Variants in JMJD1C observed in about 807,000 individuals in gnomAD.
JMJD1C encodes jumonji domain-containing protein 1C.
Under a neutral mutation model 245.3 loss-of-function variants are expected in JMJD1C, and 31 were observed. The observed-to-expected ratio is 0.13, with a 90% CI of 0.09 to 0.17. JMJD1C has a LOEUF of 0.17. Ranked by LOEUF, JMJD1C falls within the 10% of genes least tolerant of loss-of-function variation. The pLI, the probability that JMJD1C is intolerant of heterozygous loss-of-function variation, is 1.00. For synonymous variants in JMJD1C, 1,057 were observed against 1,017.4 expected, an observed-to-expected ratio of 1.04 and a Z score of -0.74; for missense variants, 2,691 against 3,000.2, an observed-to-expected ratio of 0.90 and a Z score of 2.41.
At chr10:63,411,363 A>G (rs1949465157) in intron 1 of JMJD1C, among the ~76,000 whole-genome samples, 1 of 145,420 alleles carries the variant, frequency 6.9e-6, no homozygotes, top group Non-Finnish European at 1.5e-5. Flanking sequence ...AGGTGGCCCA[A>G]TCTTGGCTCA....
intron 1 of JMJD1C, among the ~76,000 whole-genome samples, chr10:63,403,374 A>G (rs1217556286): frequency 2.6e-5 from 4 of 152,258 alleles, no homozygotes; most frequent in African/African-American, 9.6e-5. Flanking sequence ...AAATCACTTA[A>G]GGTCTTCACA....
chr10:63,214,415 TGAA>T lies in JMJD1C; in HGVS notation c.1749_1751del (p.Ser584del). ...TTTCCATGTTCAAGTGATCATTTCC[TGAA>T]GAAGCATTTGTAACACTTGATTGGG... On this transcript the variant is annotated inframe_deletion, in exon 8 of 26. Coordinates refer to ENST00000399262, the MANE Select transcript of JMJD1C (RefSeq NM_032776.3). 1 of 1,613,936 alleles carries T rather than the reference TGAA, an allele frequency of 6.2e-7. No individual in the cohort carries two copies. The highest frequency in any genetic ancestry group is 8.5e-7 in the Non-Finnish European group (1 of 1,179,950).
chr10:63,222,773 G>C lies in JMJD1C; in HGVS notation c.448-2790C>G. On this transcript the variant is annotated intron_variant, in intron 3 of 25. Coordinates refer to ENST00000399262, the MANE Select transcript of JMJD1C (RefSeq NM_032776.3). ...CTCACTGAAAACTGAAACTAATTTGGAAGTTTTGAAGTCAATTCCTAGTGA... is the reference window on the plus strand; with the variant it reads ...CTCACTGAAAACTGAAACTAATTTGCAAGTTTTGAAGTCAATTCCTAGTGA... 6 of 1,479,152 alleles carry C rather than the reference G, an allele frequency of 4.1e-6. No homozygotes were observed. In the South Asian group the frequency reaches 4.5e-5, roughly 11 times the overall value. 91.6% of individuals were successfully genotyped at this position (1,479,152 alleles called of 1,614,324 possible).
intron 21 of JMJD1C, among the ~76,000 whole-genome samples, chr10:63,184,238 A>AT (rs1312029945): frequency 3.6e-5 from 5 of 137,294 alleles, no homozygotes; most frequent in African/African-American, 5.4e-5. Context: ...CTTGAACAGA[A>AT]ATTTTTTTTT....
intron 1 of JMJD1C, among the ~76,000 whole-genome samples, chr10:63,431,120 T>C (rs535465114): frequency 1.1e-4 from 17 of 152,284 alleles, no homozygotes; most frequent in African/African-American, 3.8e-4. Flanking sequence ...AATTCAGGGA[T>C]TATAGACTTT....
At chr10:63,291,165 A>G (rs1858635650) in intron 2 of JMJD1C, among the ~76,000 whole-genome samples, 1 of 151,676 alleles carries the variant, frequency 6.6e-6, no homozygotes. Context: ...AAAATTAGCT[A>G]GGCATGGTGG....
chr10:63,223,160 A>C (rs1339855415), intron 3 of JMJD1C: 20 of 579,028 alleles, frequency 3.5e-5, no homozygotes, highest in Non-Finnish European at 5.5e-5. Context: ...ACAAACAAAA[A>C]CTTCCATACA....
At chr10:63,417,685 T>C (rs139499657) in intron 1 of JMJD1C, among the ~76,000 whole-genome samples, 7 of 152,320 alleles carry the variant, frequency 4.6e-5, no homozygotes, top group East Asian at 3.9e-4. Flanking sequence ...GATTATGCTA[T>C]ATTCTACAGA....
At chr10:63,404,065 A>T (rs1949022295) in intron 1 of JMJD1C, among the ~76,000 whole-genome samples, 1 of 152,122 alleles carries the variant, frequency 6.6e-6, no homozygotes. Context: ...CAGTGAGCTG[A>T]AATTGCACCA....
At chr10:63,266,369 ACATAAAATCCTATAGGATTT>A (rs141534127) in intron 2 of JMJD1C, among the ~76,000 whole-genome samples, 2,317 of 152,220 alleles carry the variant, frequency 0.015, 28 homozygotes, top group Non-Finnish European at 0.022. Context: ...CTTTTCAATT[ACATAAAATCCTATAGGATTT>A]CATAAAATCC....
At chr10:63,443,147 G>T (rs1052967569) in intron 1 of JMJD1C, among the ~76,000 whole-genome samples, 1 of 152,096 alleles carries the variant, frequency 6.6e-6, no homozygotes, top group Admixed American at 6.5e-5. Flanking sequence ...TTTCTTACTA[G>T]ATTATTATTA....
chr10:63,230,805 T>A (rs190140188), intron 3 of JMJD1C, among the ~76,000 whole-genome samples: 49 of 151,692 alleles, frequency 3.2e-4, no homozygotes, highest in Non-Finnish European at 6.0e-4. Flanking sequence ...AAAATAAAAT[T>A]TGACCACCAC....
chr10:63,444,623 C>CTT (rs200830089), intron 1 of JMJD1C, among the ~76,000 whole-genome samples: 15 of 134,480 alleles, frequency 1.1e-4, no homozygotes, highest in East Asian at 1.1e-3. Flanking sequence ...TACCTACTAT[C>CTT]TTTTTTTTTT....
intron 2 of JMJD1C, among the ~76,000 whole-genome samples, chr10:63,329,155 G>A (rs1426851895): frequency 3.3e-5 from 5 of 151,904 alleles, no homozygotes; most frequent in Middle Eastern, 3.2e-3. Context: ...GGTGGCATGC[G>A]CCTATAATCC....
intron 13 of JMJD1C, among the ~76,000 whole-genome samples, chr10:63,196,259 A>G (rs1331259790): frequency 3.3e-5 from 5 of 152,138 alleles, no homozygotes. Context: ...CAACATCCAA[A>G]AAAAAAAGAA....
At chr10:63,433,589 T>TC (rs967309794) in intron 1 of JMJD1C, among the ~76,000 whole-genome samples, 9 of 141,390 alleles carry the variant, frequency 6.4e-5, no homozygotes, top group African/African-American at 2.6e-4. Context: ...TTCTTTTCTT[T>TC]TTTTTTTTTT....
At chr10:63,334,245 T>C (rs1054932293) in intron 2 of JMJD1C, among the ~76,000 whole-genome samples, 1 of 152,200 alleles carries the variant, frequency 6.6e-6, no homozygotes, top group Non-Finnish European at 1.5e-5. Context: ...CTTCCGAATA[T>C]AAATTTGTGT....
chr10:63,235,270 T>G (rs1255289443), intron 3 of JMJD1C, among the ~76,000 whole-genome samples: 2 of 151,992 alleles, frequency 1.3e-5, no homozygotes, highest in Non-Finnish European at 2.9e-5. Flanking sequence ...CTGAGGCAGG[T>G]GGATCGCCTG....
chr10:63,363,853 A>ATTTTT (rs759663605), intron 2 of JMJD1C, among the ~76,000 whole-genome samples: 1 of 126,468 alleles, frequency 7.9e-6, no homozygotes, highest in African/African-American at 3.0e-5. Context: ...TGCCTGGCTA[A>ATTTTT]TTTTTTTTTT....
Sources: allele counts gnomAD v4.1 joint callset (sites outside exome capture counted in the v4.1 genomes callset), GRCh38; gene constraint gnomAD v4.1.1; transcripts MANE v1.5; gene names NCBI Gene and HGNC (gene_info 2026-07-23, HGNC 2026-07-21).